Variants in RGL1 observed in about 807,000 individuals in gnomAD.
RGL1 encodes ral guanine nucleotide dissociation stimulator-like 1.
Under a neutral mutation model 95.2 loss-of-function variants are expected in RGL1, and 24 were observed. The observed-to-expected ratio is 0.25, with a 90% CI of 0.18 to 0.35. The LOEUF is 0.35. Among genes scored for constraint, RGL1 ranks in the 10% least tolerant of loss-of-function variants. The pLI is 1.00. For synonymous variants in RGL1, 329 were observed against 344.9 expected (o/e 0.95, Z 0.51); for missense variants, 715 against 936.3 (o/e 0.76, Z 3.08).
chr1:183,654,070 G>C (rs1038106679), intron 1 of RGL1, among the ~76,000 whole-genome samples: 1 of 152,074 alleles, frequency 6.6e-6, no homozygotes, highest in African/African-American at 2.4e-5. Context: ...AATAACTCAG[G>C]GATACTGAGC....
chr1:183,720,356 C>T (rs896076021), intron 1 of RGL1, among the ~76,000 whole-genome samples: 1 of 152,240 alleles, frequency 6.6e-6, no homozygotes, highest in East Asian at 1.9e-4. Context: ...ACACAGCATG[C>T]ATGCCCTGAA....
chr1:183,665,945 T>C (rs1488028978), intron 1 of RGL1, among the ~76,000 whole-genome samples: 1 of 151,946 alleles, frequency 6.6e-6, no homozygotes, highest in East Asian at 1.9e-4. Flanking sequence ...TAATTTGCTG[T>C]GCTTTTTCTA....
intron 1 of RGL1, among the ~76,000 whole-genome samples, chr1:183,672,952 G>A (rs192790753): frequency 1.2e-4 from 19 of 152,318 alleles, no homozygotes; most frequent in Admixed American, 1.2e-3. Flanking sequence ...TTGTTACATA[G>A]GTAAACATGT....
intron 1 of RGL1, among the ~76,000 whole-genome samples, chr1:183,664,265 A>G (rs958878892): frequency 2.6e-5 from 4 of 152,120 alleles, no homozygotes; most frequent in Non-Finnish European, 5.9e-5. Context: ...TTTCCTTTTC[A>G]GATAGATTAT....
At chr1:183,732,726 A>G (rs1380141499) in intron 1 of RGL1, among the ~76,000 whole-genome samples, 1 of 152,184 alleles carries the variant, frequency 6.6e-6, no homozygotes, top group Admixed American at 6.6e-5. Flanking sequence ...TGAAGGCCTG[A>G]TGAGAAAGCC....
chr1:183,874,829 T>C (rs938470334), intron 4 of RGL1, among the ~76,000 whole-genome samples: 9 of 152,168 alleles, frequency 5.9e-5, no homozygotes, highest in Admixed American at 5.9e-4. Flanking sequence ...TAGCTGGAGG[T>C]CTCAGAGGCA....
intron 16 of RGL1, among the ~76,000 whole-genome samples, chr1:183,919,278 G>C (rs1226865357): frequency 6.6e-6 from 1 of 152,124 alleles, no homozygotes; most frequent in Admixed American, 6.5e-5. Context: ...AGTGAGACTG[G>C]CTTTGTTTTG....
intron 1 of RGL1, among the ~76,000 whole-genome samples, chr1:183,681,706 G>T (rs1475283989): frequency 6.6e-6 from 1 of 152,196 alleles, no homozygotes; most frequent in African/African-American, 2.4e-5. Context: ...AGTTACGGAG[G>T]AGTTCCTCTC....
intron 1 of RGL1, among the ~76,000 whole-genome samples, chr1:183,654,995 G>A (rs917656537): frequency 1.3e-5 from 2 of 152,162 alleles, no homozygotes; most frequent in African/African-American, 4.8e-5. Flanking sequence ...GACATGTATT[G>A]GAAAGGAGAT....
Position 183,926,429 on chromosome 1 carries a change from C to G in RGL1, c.*137C>G, listed in dbSNP as rs1344455754. ...ATATTTATTGAGTTCCTGTGGTGTG[C>G]AAAGCATTATGATAGGCACCGTGGG... On this transcript the variant is annotated 3_prime_UTR_variant, in exon 18 of 18. Coordinates refer to ENST00000360851, the MANE Select transcript of RGL1 (RefSeq NM_001297671.3). 1.1e-5 allele frequency: 7 copies of G among 650,796 alleles called. No homozygotes were observed. The highest frequency in any genetic ancestry group is 1.7e-5 in the Non-Finnish European group (7 of 400,534). 40.3% of individuals were successfully genotyped at this position (650,796 alleles called of 1,614,324 possible). A position where few individuals can be genotyped will look rare whatever the true frequency, so the allele number is the denominator to read the frequency against.
At chr1:183,828,448 C>A (rs1312060991) in intron 2 of RGL1, among the ~76,000 whole-genome samples, 2 of 152,092 alleles carry the variant, frequency 1.3e-5, no homozygotes, top group Admixed American at 6.6e-5. Context: ...GGGTAGAGGG[C>A]AGCACGTGGG....
At chr1:183,839,825 G>A (rs1307423219) in intron 2 of RGL1, among the ~76,000 whole-genome samples, 1 of 152,142 alleles carries the variant, frequency 6.6e-6, no homozygotes. Flanking sequence ...TGGTGGAAAG[G>A]TATGATGCCT....
intron 1 of RGL1, among the ~76,000 whole-genome samples, chr1:183,687,702 C>T (rs1653687153): frequency 6.6e-6 from 1 of 152,088 alleles, no homozygotes; most frequent in Non-Finnish European, 1.5e-5. Flanking sequence ...TAAAAGGGAA[C>T]AAAGAGAAGT....
chr1:183,860,563 G>T (rs890341269), intron 3 of RGL1, among the ~76,000 whole-genome samples: 1 of 152,064 alleles, frequency 6.6e-6, no homozygotes, highest in African/African-American at 2.4e-5. Context: ...CTGCTTAGAG[G>T]CTCTTTCCCT....
intron 1 of RGL1, among the ~76,000 whole-genome samples, chr1:183,650,059 T>A (rs1184248778): frequency 6.6e-6 from 1 of 152,124 alleles, no homozygotes; most frequent in Non-Finnish European, 1.5e-5. Context: ...GTGATCCTCC[T>A]ACCTTGGCCT....
chr1:183,690,125 G>T (rs1653853188), intron 1 of RGL1, among the ~76,000 whole-genome samples: 1 of 152,222 alleles, frequency 6.6e-6, no homozygotes, highest in African/African-American at 2.4e-5. Context: ...TGATGAAGTG[G>T]CAAGCCTTGG....
At chr1:183,870,622 T>C (rs190356393) in intron 4 of RGL1, among the ~76,000 whole-genome samples, 2 of 152,286 alleles carry the variant, frequency 1.3e-5, no homozygotes, top group Non-Finnish European at 2.9e-5. Context: ...CCTTCAAGCT[T>C]TCGGGCCCGG....
At chr1:183,708,505 C>G (rs933295371) in intron 1 of RGL1, among the ~76,000 whole-genome samples, 1 of 152,168 alleles carries the variant, frequency 6.6e-6, no homozygotes, top group African/African-American at 2.4e-5. Flanking sequence ...ACCCTCACCC[C>G]AGAAGACTGG....
intron 2 of RGL1, among the ~76,000 whole-genome samples, chr1:183,835,509 C>T (rs143092115): frequency 2.0e-5 from 3 of 152,280 alleles, no homozygotes; most frequent in African/African-American, 7.2e-5. Context: ...TTTCCTTGAG[C>T]CCTTGGGTTA....
Sources: gnomAD v4.1 joint callset for allele counts (sites outside exome capture counted in the v4.1 genomes callset) on GRCh38, gnomAD v4.1.1 for gene constraint, MANE v1.5 for transcripts, NCBI Gene and HGNC (gene_info 2026-07-23, HGNC 2026-07-21) for gene names.